The following PIGK variants were observed in gnomAD, a reference collection of about 807,000 sequenced individuals.
The protein encoded by PIGK is GPI-anchor transamidase.
In PIGK, 42 loss-of-function variants were observed where a neutral mutation model predicts 50.6. That is an observed-to-expected ratio of 0.83 (90% CI 0.65 to 1.07). The LOEUF is 1.07. PIGK is among the 50% of genes least tolerant of loss of function. The probability of loss-of-function intolerance (pLI) is 0.00; values close to 1 mark genes in which losing one functional copy is unlikely to be tolerated. For synonymous variants in PIGK, 151 were observed against 156.0 expected (o/e 0.97, Z 0.24); for missense variants, 448 against 488.7 (o/e 0.92, Z 0.78).
At chr1:77,189,744 TATATACACACACAC>T (rs1485130565) in intron 3 of PIGK, among the ~76,000 whole-genome samples, 6 of 38,930 alleles carry the variant, frequency 1.5e-4, no homozygotes, top group African/African-American at 8.7e-4. Context: ...TATATATATA[TATATACACACACAC>T]ACACACACAC....
chr1:77,175,760 C>A (rs1382457200), intron 3 of PIGK, among the ~76,000 whole-genome samples: 1 of 152,012 alleles, frequency 6.6e-6, no homozygotes, highest in East Asian at 1.9e-4. Flanking sequence ...TCAGTTTTTA[C>A]ATAAAGTGAA....
chr1:77,148,023 G>T (rs1322787785), intron 9 of PIGK, among the ~76,000 whole-genome samples: 1 of 152,106 alleles, frequency 6.6e-6, no homozygotes. Flanking sequence ...TGAATCAATG[G>T]ACTCCACTGT....
intron 9 of PIGK, among the ~76,000 whole-genome samples, chr1:77,141,300 T>C (rs1344625050): frequency 3.3e-5 from 5 of 152,108 alleles, no homozygotes; most frequent in Non-Finnish European, 1.5e-5. Flanking sequence ...CTAAGAACTC[T>C]TATATTTCAT....
chr1:77,108,824 G>A (rs181192580), intron 10 of PIGK, among the ~76,000 whole-genome samples: 4 of 151,936 alleles, frequency 2.6e-5, no homozygotes, highest in East Asian at 3.9e-4. Context: ...GTCTCTTCTC[G>A]CTTCATTTTA....
chr1:77,110,364 A>G lies in PIGK; in HGVS notation c.1071+11911T>C, dbSNP rs540352138. On this transcript the variant is annotated intron_variant, in intron 10 of 10. Transcript: ENST00000370812. ...ACACTACCTGACTTCAAACTATACTACAAGGCTACAGTAACCAAAACAGCA... is the reference window on the plus strand; with the variant it reads ...ACACTACCTGACTTCAAACTATACTGCAAGGCTACAGTAACCAAAACAGCA... 2.6e-5 allele frequency among the ~76,000 whole-genome samples: 4 copies of G among 152,266 alleles called. No homozygotes were observed. In the South Asian group the frequency reaches 6.2e-4, roughly 24 times the overall value.
chr1:77,098,861 AT>A (rs528854517), intron 10 of PIGK, among the ~76,000 whole-genome samples: 137 of 152,170 alleles, frequency 9.0e-4, no homozygotes, highest in African/African-American at 3.1e-3. Flanking sequence ...GAAAAAAATC[AT>A]TTTTCTTCAT....
intron 3 of PIGK, among the ~76,000 whole-genome samples, chr1:77,172,463 G>A (rs1470365067): frequency 6.6e-6 from 1 of 152,130 alleles, no homozygotes; most frequent in Non-Finnish European, 1.5e-5. Context: ...GATTCTGGGG[G>A]CTTGCCAATT....
intron 9 of PIGK, among the ~76,000 whole-genome samples, chr1:77,140,318 A>C (rs1654621557): frequency 6.8e-6 from 1 of 146,442 alleles, no homozygotes; most frequent in South Asian, 2.2e-4. Context: ...TCTTGCTCTC[A>C]CTCTCTTACT....
chr1:77,184,358 C>T (rs916108359), intron 3 of PIGK, among the ~76,000 whole-genome samples: 1 of 152,098 alleles, frequency 6.6e-6, no homozygotes, highest in East Asian at 1.9e-4. Flanking sequence ...AGACTTGAGC[C>T]AGTTTACAGA....
intron 3 of PIGK, among the ~76,000 whole-genome samples, chr1:77,194,606 G>A (rs1418014352): frequency 7.0e-6 from 1 of 141,912 alleles, no homozygotes; most frequent in African/African-American, 2.6e-5. Context: ...TGGACACAAA[G>A]AGGGAAACAA....
chr1:77,126,458 T>C (rs534010375), intron 9 of PIGK, among the ~76,000 whole-genome samples: 24 of 152,298 alleles, frequency 1.6e-4, no homozygotes, highest in African/African-American at 5.8e-4. Context: ...GTAGTTGCTT[T>C]AATAAGTGGC....
intron 3 of PIGK, among the ~76,000 whole-genome samples, chr1:77,191,990 A>G (rs1655916224): frequency 6.6e-6 from 1 of 152,196 alleles, no homozygotes; most frequent in Non-Finnish European, 1.5e-5. Flanking sequence ...ATCGAATTCT[A>G]TTCACAAATG....
intron 3 of PIGK, among the ~76,000 whole-genome samples, chr1:77,187,618 C>G (rs1375210901): frequency 2.0e-5 from 3 of 152,176 alleles, no homozygotes; most frequent in Non-Finnish European, 4.4e-5. Flanking sequence ...TACTCCACAA[C>G]AGAGGTAAGG....
intron 8 of PIGK, among the ~76,000 whole-genome samples, chr1:77,159,724 C>T (rs1431708845): frequency 1.3e-5 from 2 of 152,150 alleles, no homozygotes; most frequent in Non-Finnish European, 2.9e-5. Flanking sequence ...GTAGTGCCTT[C>T]GTTTTGGCCA....
chr1:77,145,265 A>T (rs1383974807), intron 9 of PIGK, among the ~76,000 whole-genome samples: 2 of 151,970 alleles, frequency 1.3e-5, no homozygotes, highest in Non-Finnish European at 2.9e-5. Context: ...ATACTATAGT[A>T]GGTCCTTTAC....
In PIGK at chr1:77,200,763, C is replaced by T. The variant is rs147268912; in HGVS notation, c.239+5877G>A. On this transcript the variant is annotated intron_variant, in intron 3 of 10. Transcript: ENST00000370812. ...AGAAGACCTGAATTCAAATTGTGAT[C>T]CTATTTTTATTAATATTTAATTGAC... is the stretch of plus-strand genomic sequence containing the variant. Among the ~76,000 whole-genome samples the T allele has an allele frequency of 3.5e-4, 54 of 152,138 alleles. 1 individual carries two copies. In the East Asian group the frequency reaches 0.01, roughly 29 times the overall value.
At chr1:77,145,018 T>C (rs1654735864) in intron 9 of PIGK, among the ~76,000 whole-genome samples, 1 of 151,944 alleles carries the variant, frequency 6.6e-6, no homozygotes, top group African/African-American at 2.4e-5. Context: ...AGAAATCCTG[T>C]CAACTGTTAC....
chr1:77,183,102 A>G (rs900773920), intron 3 of PIGK, among the ~76,000 whole-genome samples: 3 of 152,208 alleles, frequency 2.0e-5, no homozygotes, highest in African/African-American at 7.2e-5. Flanking sequence ...TTATCATGCA[A>G]GTGGCTGACC....
In PIGK at chr1:77,161,624, A is replaced by G. The variant is rs771429181; in HGVS notation, c.672T>C (p.Ala224=). The G allele has an allele frequency of 1.3e-5, 20 of 1,552,512 alleles. No homozygotes were observed. The highest frequency in any genetic ancestry group is 1.2e-4 in the Admixed American group (7 of 59,934). The part of the protein sequence containing the change: ...RFYSPNIMAL[A]SSQVGEDSLS... ...GTGAATCTTCTCCCACTTGACTACT[A>G]GCTAGAGCCATTATGTTAGGAGAAT... Residue 224 remains alanine, a synonymous_variant, in exon 7 of 11, where the codon GCT becomes GCC. Transcript: ENST00000370812.
Sources: gnomAD v4.1 joint callset for allele counts (sites outside exome capture counted in the v4.1 genomes callset) on GRCh38, gnomAD v4.1.1 for gene constraint, MANE v1.5 for transcripts, NCBI Gene and HGNC (gene_info 2026-07-23, HGNC 2026-07-21) for gene names.